Variants in DLGAP1 observed in about 807,000 individuals in gnomAD.
The protein encoded by DLGAP1 is DLG associated protein 1, also known as disks large-associated protein 1.
In DLGAP1, 11 loss-of-function variants were observed where a neutral mutation model predicts 90.8. The ratio of observed to expected loss-of-function variants is 0.12; its 90% CI spans 0.08 to 0.20. The LOEUF (loss-of-function observed/expected upper bound fraction) is 0.20, where lower values mean the gene tolerates loss of function less well. Ranked by LOEUF, DLGAP1 falls within the 10% of genes least tolerant of loss-of-function variation. The probability of loss-of-function intolerance (pLI) is 1.00; values close to 1 mark genes in which losing one functional copy is unlikely to be tolerated. For missense variants in DLGAP1, 1,050 were observed against 1,333.8 expected, an observed-to-expected ratio of 0.79 and a Z score of 3.31; for synonymous variants, 558 against 540.7, an observed-to-expected ratio of 1.03 and a Z score of -0.44.
chr18:4,108,315 G>A (rs2075906007), intron 2 of DLGAP1, among the ~76,000 whole-genome samples: 1 of 152,098 alleles, frequency 6.6e-6, no homozygotes, highest in South Asian at 2.1e-4. Flanking sequence ...CACACCCATT[G>A]GTCCTCCAAT....
intron 5 of DLGAP1, among the ~76,000 whole-genome samples, chr18:3,810,815 A>G (rs1467887643): frequency 2.0e-5 from 3 of 151,790 alleles, no homozygotes; most frequent in African/African-American, 7.3e-5. Context: ...TAATTAATTA[A>G]TTAATTTTGA....
intron 3 of DLGAP1, among the ~76,000 whole-genome samples, chr18:3,907,419 G>A (rs142431371): frequency 5.4e-4 from 82 of 152,252 alleles, no homozygotes; most frequent in African/African-American, 1.9e-3. Context: ...GTCAATACCT[G>A]GTGTGGCAAT....
chr18:4,299,509 G>A (rs942133605), intron 1 of DLGAP1, among the ~76,000 whole-genome samples: 5 of 152,208 alleles, frequency 3.3e-5, no homozygotes, highest in African/African-American at 4.8e-5. Context: ...ATAATCATCT[G>A]TACAGAGCAT....
At chr18:3,932,239 G>T (rs1181858601) in intron 3 of DLGAP1, among the ~76,000 whole-genome samples, 1 of 152,184 alleles carries the variant, frequency 6.6e-6, no homozygotes, top group African/African-American at 2.4e-5. Context: ...GCAGCTTGAG[G>T]TTGGTAGGTG....
intron 1 of DLGAP1, among the ~76,000 whole-genome samples, chr18:4,284,858 G>A (rs9965097): frequency 0.26 from 39,656 of 152,048 alleles, 5,559 homozygotes; most frequent in African/African-American, 0.37. Context: ...GAGAGTAATA[G>A]TCCCATTGTA....
At chr18:3,600,729 GAT>G (rs1167524065) in intron 7 of DLGAP1, among the ~76,000 whole-genome samples, 1,329 of 26,764 alleles carry the variant, frequency 0.05, 328 homozygotes, top group Non-Finnish European at 0.055. Context: ...TAGAGATATA[GAT>G]ATATATAGAT....
intron 1 of DLGAP1, among the ~76,000 whole-genome samples, chr18:4,299,765 C>A (rs759323454): frequency 4.6e-5 from 7 of 152,100 alleles, no homozygotes; most frequent in Non-Finnish European, 1.0e-4. Context: ...GTCTTAATGG[C>A]TGTAAAATAT....
intron 1 of DLGAP1, among the ~76,000 whole-genome samples, chr18:4,204,616 T>C (rs547253624): frequency 2.8e-4 from 43 of 152,290 alleles, no homozygotes; most frequent in African/African-American, 1.0e-3. Context: ...AAGTGTTTTA[T>C]TCTTGCTTAA....
intron 5 of DLGAP1, among the ~76,000 whole-genome samples, chr18:3,787,309 C>T (rs2065499047): frequency 6.6e-6 from 1 of 151,614 alleles, no homozygotes; most frequent in African/African-American, 2.4e-5. Flanking sequence ...TGGTGAAACC[C>T]CGTCTCTACT....
chr18:3,789,551 G>T (rs1011526749), intron 5 of DLGAP1, among the ~76,000 whole-genome samples: 1 of 152,310 alleles, frequency 6.6e-6, no homozygotes, highest in Non-Finnish European at 1.5e-5. Context: ...GGACCATAGG[G>T]TGTATCAATA....
intron 5 of DLGAP1, among the ~76,000 whole-genome samples, chr18:3,749,445 G>A (rs555341213): frequency 9.9e-5 from 15 of 152,154 alleles, no homozygotes; most frequent in East Asian, 5.8e-4. Context: ...GAGCCACTGC[G>A]CCCGGCCAAC....
intron 1 of DLGAP1, among the ~76,000 whole-genome samples, chr18:4,315,875 A>T (rs935150166): frequency 6.6e-6 from 1 of 152,240 alleles, no homozygotes; most frequent in African/African-American, 2.4e-5. Context: ...CTCAAAAAAT[A>T]CTGATTGAAT....
intron 1 of DLGAP1, among the ~76,000 whole-genome samples, chr18:4,297,582 A>G (rs3850786): frequency 0.25 from 38,225 of 152,072 alleles, 4,945 homozygotes; most frequent in African/African-American, 0.28. Flanking sequence ...GCCTCTGAGC[A>G]AAGGGTACTG....
chr18:4,431,777 C>A (rs2144755042), intron 1 of DLGAP1, among the ~76,000 whole-genome samples: 1 of 152,218 alleles, frequency 6.6e-6, no homozygotes, highest in Non-Finnish European at 1.5e-5. Flanking sequence ...GAATTTTTAA[C>A]CTAGTTTTAC....
At chr18:3,615,866 T>C (rs2057841572) in intron 7 of DLGAP1, among the ~76,000 whole-genome samples, 1 of 152,114 alleles carries the variant, frequency 6.6e-6, no homozygotes, top group Non-Finnish European at 1.5e-5. Flanking sequence ...TAGCAGGAAT[T>C]TTTGCAAACA....
intron 1 of DLGAP1, among the ~76,000 whole-genome samples, chr18:4,288,534 A>AAT (rs2079762552): frequency 6.6e-6 from 1 of 152,132 alleles, no homozygotes; most frequent in Non-Finnish European, 1.5e-5. Context: ...TATTAATTCA[A>AAT]ATGTACATCA....
At chr18:3,741,029 C>CACCACCATCACCTCACCACCACCACCAT (rs2062914571) in intron 6 of DLGAP1, among the ~76,000 whole-genome samples, 1 of 88,770 alleles carries the variant, frequency 1.1e-5, no homozygotes, top group Non-Finnish European at 2.2e-5. Flanking sequence ...ACCACCACCA[C>CACCACCATCACCTCACCACCACCACCAT]CACCACCATC....
chr18:3,679,391 T>C (rs2060429076), intron 7 of DLGAP1, among the ~76,000 whole-genome samples: 1 of 152,002 alleles, frequency 6.6e-6, no homozygotes, highest in East Asian at 1.9e-4. Flanking sequence ...CGAGAATGAA[T>C]AGCAACTTTG....
intron 1 of DLGAP1, among the ~76,000 whole-genome samples, chr18:4,189,818 T>C (rs777161999): frequency 1.3e-5 from 2 of 151,828 alleles, no homozygotes; most frequent in Admixed American, 6.6e-5. Flanking sequence ...ACAAATACAA[T>C]CAACTGATTT....
Sources: allele counts gnomAD v4.1 joint callset (sites outside exome capture counted in the v4.1 genomes callset), GRCh38; gene constraint gnomAD v4.1.1; transcripts MANE v1.5; gene names NCBI Gene and HGNC (gene_info 2026-07-23, HGNC 2026-07-21).